TRMT1L: variants seen among roughly 807,000 people sequenced by gnomAD.
TRMT1L encodes tRNA methyltransferase 1L.
A neutral mutation model predicts 81.6 loss-of-function variants in TRMT1L; 28 were observed. The observed-to-expected ratio is 0.34, with a 90% confidence interval of 0.25 to 0.47. The LOEUF is 0.47. Ranked by LOEUF, TRMT1L falls within the 20% of genes least tolerant of loss-of-function variation. The pLI is 1.00. For synonymous variants in TRMT1L, 301 were observed against 303.2 expected (o/e 0.99, Z 0.07); for missense variants, 739 against 877.1 (o/e 0.84, Z 1.99).
At chr1:185,127,759 CAAA>C (rs986438990) in intron 11 of TRMT1L, among the ~76,000 whole-genome samples, 2 of 36,424 alleles carry the variant, frequency 5.5e-5, no homozygotes, top group Admixed American at 2.7e-4. Flanking sequence ...AACTCTGTCT[CAAA>C]AAAAAAAAAA....
chr1:185,120,131 G>GTGTAGGTGGGGGTGC lies in TRMT1L; in HGVS notation c.2075_2089dup (p.Ser692_Tyr696dup), dbSNP rs776009366. ...GACATGGCTTTCTGACTGTCCTCCA[G>GTGTAGGTGGGGGTGC]TGTAGGTGGGGGTGCTGTACTTTAA... On this transcript the variant is annotated inframe_insertion, in exon 15 of 15. Transcript: ENST00000367506. 3.7e-6 allele frequency: 6 copies of GTGTAGGTGGGGGTGC among 1,613,992 alleles called. No individual in the cohort carries two copies. In the South Asian group the frequency reaches 6.6e-5, roughly 18 times the overall value.
chr1:185,151,836 T>A lies in TRMT1L; in HGVS notation c.335A>T (p.Asn112Ile). The A allele has an allele frequency of 1.3e-6, 2 of 1,577,486 alleles. No homozygotes were observed. Among genetic ancestry groups the A allele is most frequent in the Non-Finnish European group, 1.7e-6 (2 of 1,167,216 alleles). ...AAACATGGAAATACCTGCATCAAGA[T>A]TATCTGAGTTCAATGAGCTGGCAGA... Reference protein sequence around the residue: ...FDSASSLNSDNLDAGNRQACP... With the variant: ...FDSASSLNSDILDAGNRQACP... Residue 112 changes from asparagine to isoleucine, a missense_variant, in exon 2 of 15, where the codon AAT becomes ATT. Transcript: ENST00000367506.
intron 5 of TRMT1L, 78 bp from the exon 6 acceptor site, chr1:185,144,107 T>A: frequency 7.4e-7 from 1 of 1,345,046 alleles, no homozygotes; most frequent in Non-Finnish European, 1.0e-6. Context: ...AAACACAAAA[T>A]AATTGTAAAC....
chr1:185,140,969 C>CAAA (rs538571932), intron 7 of TRMT1L, among the ~76,000 whole-genome samples: 13 of 88,912 alleles, frequency 1.5e-4, no homozygotes, highest in African/African-American at 4.8e-4. Flanking sequence ...GACCCTATCT[C>CAAA]AAAAAAAAAA....
chr1:185,145,371 G>A, intron 5 of TRMT1L, 68 bp downstream of exon 5: 1 of 1,484,034 alleles, frequency 6.7e-7, no homozygotes, highest in Non-Finnish European at 9.3e-7. Context: ...CCTGATGTCT[G>A]AAAATAATAA....
At chr1:185,144,110 T>C (rs960570222) in intron 5 of TRMT1L, 81 bp from the exon 6 acceptor site, 33 of 1,295,246 alleles carry the variant, frequency 2.5e-5, no homozygotes, top group East Asian at 1.5e-4. Flanking sequence ...CACAAAATAA[T>C]TGTAAACATC....
At chr1:185,140,849 G>A (rs1462155280) in intron 7 of TRMT1L, among the ~76,000 whole-genome samples, 2 of 151,034 alleles carry the variant, frequency 1.3e-5, no homozygotes, top group East Asian at 1.9e-4. Context: ...GCATGGTGGC[G>A]CATGCTTGTG....
intron 12 of TRMT1L, 86 bp downstream of exon 12, chr1:185,124,858 T>G: frequency 7.9e-7 from 1 of 1,266,234 alleles, no homozygotes; most frequent in South Asian, 1.7e-5. Flanking sequence ...TATATTGGTT[T>G]TATTATAACA....
In TRMT1L at chr1:185,137,680, T is replaced by C. The variant is rs774729165; in HGVS notation, c.1439A>G (p.Lys480Arg). ...RGPTSADETAKKIQYLIHCQW... is the reference protein window; with the variant it reads ...RGPTSADETARKIQYLIHCQW... Reference sequence around the variant, plus strand: ...ACAATGGATCAGGTATTGAATCTTCTTGGCTGTTTCATCTGCTGAAGTAGG... The same window carrying C: ...ACAATGGATCAGGTATTGAATCTTCCTGGCTGTTTCATCTGCTGAAGTAGG... The change falls in exon 10 of 15, where the codon AAG (lysine) becomes AGG (arginine). Residue 480 changes from lysine to arginine, a missense_variant. Around this residue, in one of 4 missense-constraint regions of TRMT1L, gnomAD observed 331 missense variants for 462.2 expected, o/e 0.72. Transcript: ENST00000367506. The C allele has an allele frequency of 1.2e-6, 2 of 1,614,200 alleles. No individual in the cohort carries two copies. Among genetic ancestry groups the C allele is most frequent in the Non-Finnish European group, 1.7e-6 (2 of 1,180,024 alleles).
rs150853137 is a variant in TRMT1L at position 185,122,306 on chromosome 1, G to T, written c.1822+1551C>A. Among the ~76,000 whole-genome samples the T allele has an allele frequency of 1.5e-3, 223 of 152,282 alleles. 1 individual carries two copies. The South Asian group carries it at 0.026, about 18-fold the overall frequency. ...GGTTTGCATAGTACTATCATTTTAA[G>T]ATTTTATGTGTTGACCAATGGTCTT... On this transcript the variant is annotated intron_variant, in intron 13 of 14. Transcript: ENST00000367506.
At chr1:185,137,494 T>C in intron 10 of TRMT1L, 112 bp downstream of exon 10, 1 of 1,085,850 alleles carries the variant, frequency 9.2e-7, no homozygotes, top group Non-Finnish European at 1.4e-6. Context: ...AATAACAAAG[T>C]TAGCACTGTA....
At chr1:185,151,709 CT>C in intron 2 of TRMT1L, 115 bp downstream of exon 2, 1 of 559,014 alleles carries the variant, frequency 1.8e-6, no homozygotes, top group Non-Finnish European at 2.9e-6. Context: ...TATTTTACCA[CT>C]GTTCTAGTTC....
At chr1:185,135,458 A>C (rs56094240) in intron 10 of TRMT1L, among the ~76,000 whole-genome samples, 295 of 151,964 alleles carry the variant, frequency 1.9e-3, no homozygotes, top group African/African-American at 6.6e-3. Flanking sequence ...TTACAATAAA[A>C]TATTTAAAGC....
In TRMT1L at chr1:185,153,909, C is replaced by T. The variant is rs139828145; in HGVS notation, c.236-1974G>A. On this transcript the variant is annotated intron_variant, in intron 1 of 14. Coordinates refer to ENST00000367506, the MANE Select transcript of TRMT1L (RefSeq NM_030934.5). The stretch of plus-strand genomic sequence containing the variant: ...TAGCACCTTCTTGACTACTCCTCTC[C>T]GAGCTTCACTATCAGTTCGTTTACC... Among the ~76,000 whole-genome samples, 652 of 152,292 alleles carry T rather than the reference C, an allele frequency of 4.3e-3. 11 individuals carry two copies. The highest frequency in any genetic ancestry group is 0.015 in the African/African-American group (625 of 41,544).
Position 185,120,413 on chromosome 1 carries a change from C to A in TRMT1L, c.1919G>T (p.Arg640Ile). Residue 640 changes from arginine to isoleucine, a missense_variant, in exon 14 of 15, where the codon AGA becomes ATA. Around this residue, in one of 4 missense-constraint regions of TRMT1L, gnomAD observed 196 missense variants for 232.6 expected, o/e 0.84. Transcript: ENST00000367506. ...CATATTCATTCCTTTAATGCTGTGTCTGTGAATGTTGTAATAAAAGGGAGG... is the reference window on the plus strand; with the variant it reads ...CATATTCATTCCTTTAATGCTGTGTATGTGAATGTTGTAATAAAAGGGAGG... ...EHPPFYYNIH[R>I]HSIKGMNMPK... 6.2e-7 allele frequency: 1 copy of A among 1,600,624 alleles called. No individual in the cohort carries two copies. The highest frequency in any genetic ancestry group is 8.5e-7 in the Non-Finnish European group (1 of 1,174,442).
chr1:185,131,286 T>C (rs544941289), intron 10 of TRMT1L, among the ~76,000 whole-genome samples: 1 of 152,106 alleles, frequency 6.6e-6, no homozygotes, highest in Non-Finnish European at 1.5e-5. Context: ...GCCAAATCCG[T>C]TGGTTTATAA....
In TRMT1L at chr1:185,118,220, A is replaced by G. The variant is rs1400477344; in HGVS notation, c.*1799T>C. On this transcript the variant is annotated 3_prime_UTR_variant, in exon 15 of 15. Transcript: ENST00000367506. Reference sequence around the variant, plus strand: ...AGAATAAGATTGCTCAGGTTGCTAAAAGGAATTTTTAAAGTATTTCCTCTT... The same window carrying G: ...AGAATAAGATTGCTCAGGTTGCTAAGAGGAATTTTTAAAGTATTTCCTCTT... 1 of 152,182 alleles carries G rather than the reference A, an allele frequency of 6.6e-6. No individual in the cohort carries two copies. Among genetic ancestry groups the G allele is most frequent in the Non-Finnish European group, 1.5e-5 (1 of 68,024 alleles). 9.4% of individuals were successfully genotyped at this position (152,182 alleles called of 1,614,324 possible). A position where few individuals can be genotyped will look rare whatever the true frequency, so the allele number is the denominator to read the frequency against.
chr1:185,143,280 C>T, intron 7 of TRMT1L, 77 bp downstream of exon 7: 3 of 1,286,446 alleles, frequency 2.3e-6, no homozygotes, highest in Non-Finnish European at 3.2e-6. Flanking sequence ...ACATCACTGC[C>T]CATATATATT....
chr1:185,156,877 A>C lies in TRMT1L; in HGVS notation c.-165T>G. Reference sequence around the variant, plus strand: ...CAAAAGATGAAGAACCAGTGACCAAATCCTGTTAGTAGAAAACAGAAAGCC... The same window carrying C: ...CAAAAGATGAAGAACCAGTGACCAACTCCTGTTAGTAGAAAACAGAAAGCC... On this transcript the variant is annotated 5_prime_UTR_variant, in exon 1 of 15. Coordinates refer to ENST00000367506, the MANE Select transcript of TRMT1L (RefSeq NM_030934.5). The C allele has an allele frequency of 1.7e-5, 16 of 915,458 alleles. No individual in the cohort carries two copies. Among genetic ancestry groups the C allele is most frequent in the Non-Finnish European group, 2.2e-5 (14 of 635,920 alleles). The allele number at this position is 915,458 out of a possible 1,614,324, so 56.7% of individuals were successfully genotyped here.
Sources: gnomAD v4.1 joint callset for allele counts (sites outside exome capture counted in the v4.1 genomes callset) on GRCh38, gnomAD v4.1.1 for gene constraint, gnomAD v4.1.1 regional missense constraint, MANE v1.5 for transcripts, NCBI Gene and HGNC (gene_info 2026-07-23, HGNC 2026-07-21) for gene names.